DPF3: variants seen among roughly 807,000 people sequenced by gnomAD.
The protein encoded by DPF3 is zinc finger protein DPF3.
DPF3 carries 18 observed loss-of-function variants against 56.8 expected under a neutral mutation model. The observed-to-expected ratio is 0.32, with a 90% CI of 0.22 to 0.47. The LOEUF (loss-of-function observed/expected upper bound fraction) is 0.47, where lower values mean the gene tolerates loss of function less well. Among genes scored for constraint, DPF3 ranks in the 20% least tolerant of loss-of-function variants. The pLI is 1.00. For missense variants in DPF3, 403 were observed against 488.8 expected, an observed-to-expected ratio of 0.82 and a Z score of 1.65; for synonymous variants, 188 against 180.2, an observed-to-expected ratio of 1.04 and a Z score of -0.35.
At chr14:72,713,592 C>T (rs114873088) in intron 6 of DPF3, among the ~76,000 whole-genome samples, 1,569 of 152,288 alleles carry the variant, frequency 0.01, 13 homozygotes, top group Non-Finnish European at 0.014. Context: ...GAGGAGAAGA[C>T]GGCAAGTGAA....
chr14:72,628,305 T>G (rs184855771), intron 9 of DPF3, among the ~76,000 whole-genome samples: 1 of 152,236 alleles, frequency 6.6e-6, no homozygotes, highest in Admixed American at 6.5e-5. Context: ...CTATTTTTAA[T>G]GTTTTTATCA....
At chr14:72,850,686 G>A (rs553491797) in intron 1 of DPF3, among the ~76,000 whole-genome samples, 2 of 152,300 alleles carry the variant, frequency 1.3e-5, no homozygotes, top group Admixed American at 6.5e-5. Flanking sequence ...GTCACCCCAA[G>A]ATTAACTCTT....
chr14:72,892,429 G>T, intron 1 of DPF3: 3 of 1,464,122 alleles, frequency 2.0e-6, no homozygotes, highest in Non-Finnish European at 2.7e-6. Context: ...GCTCCTATCT[G>T]ATCAGCCTCA....
chr14:72,709,783 G>T (rs779535471), intron 6 of DPF3, among the ~76,000 whole-genome samples: 2 of 152,018 alleles, frequency 1.3e-5, no homozygotes, highest in Admixed American at 6.6e-5. Context: ...GGTAAAGTGA[G>T]GTCAACTGTC....
At chr14:72,641,991 C>G (rs1885578158) in intron 8 of DPF3, among the ~76,000 whole-genome samples, 1 of 152,212 alleles carries the variant, frequency 6.6e-6, no homozygotes, top group Non-Finnish European at 1.5e-5. Context: ...GCCCACATGG[C>G]AAGGAGCTGA....
In DPF3 at chr14:72,654,995, C is replaced by T. The variant is rs143053107; in HGVS notation, c.871+19245G>A. Among the ~76,000 whole-genome samples the T allele has an allele frequency of 3.7e-3, 563 of 152,214 alleles. 2 individuals are homozygous for T. Among genetic ancestry groups the T allele is most frequent in the African/African-American group, 0.013 (550 of 41,530 alleles). On this transcript the variant is annotated intron_variant, in intron 8 of 10. Coordinates refer to ENST00000556509, the MANE Select transcript of DPF3 (RefSeq NM_001280542.3). ...AAGAAGTTTTCAGGATTACAAACTG[C>T]CAGTCTCTCTGTACTCATCACTCAG...
At chr14:72,763,034 G>A (rs1222242114) in intron 2 of DPF3, among the ~76,000 whole-genome samples, 1 of 151,754 alleles carries the variant, frequency 6.6e-6, no homozygotes, top group Non-Finnish European at 1.5e-5. Context: ...AGTGCTTAGA[G>A]ACAAATCTGA....
chr14:72,717,571 C>T (rs550219276), intron 5 of DPF3, among the ~76,000 whole-genome samples: 11 of 152,192 alleles, frequency 7.2e-5, no homozygotes, highest in Non-Finnish European at 1.6e-4. Context: ...ATTCGAAGGT[C>T]CTTGAGGGCA....
Position 72,873,363 on chromosome 14 carries a change from C to T in DPF3, c.32+20694G>A, listed in dbSNP as rs1885978431. On this transcript the variant is annotated intron_variant, in intron 1 of 10. Transcript: ENST00000556509. Reference sequence around the variant, plus strand: ...GCCATCAGAGAAATGCAAATCAAAACCACAATGAGATACCATCTCACACCA... The same window carrying T: ...GCCATCAGAGAAATGCAAATCAAAATCACAATGAGATACCATCTCACACCA... Among the ~76,000 whole-genome samples the T allele has an allele frequency of 3.3e-5, 5 of 152,278 alleles. No individual in the cohort carries two copies. In the South Asian group the frequency reaches 1.0e-3, roughly 32 times the overall value.
At chr14:72,638,068 G>T (rs1207467002) in intron 8 of DPF3, among the ~76,000 whole-genome samples, 4 of 152,216 alleles carry the variant, frequency 2.6e-5, no homozygotes, top group Non-Finnish European at 5.9e-5. Context: ...CCATCGATGA[G>T]GAATATTAGA....
chr14:72,641,865 A>G (rs141559078), intron 8 of DPF3, among the ~76,000 whole-genome samples: 1 of 152,348 alleles, frequency 6.6e-6, no homozygotes, highest in East Asian at 1.9e-4. Flanking sequence ...ACTAAGTTAT[A>G]AAAGGCACTG....
chr14:72,810,015 TG>T (rs1374369300), intron 1 of DPF3, among the ~76,000 whole-genome samples: 3 of 152,220 alleles, frequency 2.0e-5, no homozygotes, highest in African/African-American at 7.2e-5. Context: ...CACTTAGCAC[TG>T]TGCCTGTACA....
intron 8 of DPF3, among the ~76,000 whole-genome samples, chr14:72,654,782 C>T (rs1886017413): frequency 6.6e-6 from 1 of 152,112 alleles, no homozygotes; most frequent in South Asian, 2.1e-4. Flanking sequence ...TCTTGCAGAA[C>T]CTAGCACATT....
chr14:72,621,100 C>G (rs912861217), intron 9 of DPF3, among the ~76,000 whole-genome samples: 2 of 150,836 alleles, frequency 1.3e-5, no homozygotes, highest in Non-Finnish European at 2.9e-5. Context: ...AAGATCGCAC[C>G]ACTGCACTCC....
chr14:72,693,317 G>A (rs1162962740), intron 6 of DPF3, 104 bp from the exon 7 acceptor site: 2 of 1,345,134 alleles, frequency 1.5e-6, no homozygotes, highest in Non-Finnish European at 2.0e-6. Context: ...CCACCCCAGA[G>A]CCAGGCTTCC....
intron 1 of DPF3, among the ~76,000 whole-genome samples, chr14:72,788,627 C>A (rs561243087): frequency 1.5e-3 from 221 of 152,276 alleles, no homozygotes; most frequent in African/African-American, 5.2e-3. Flanking sequence ...TCAATTCCAT[C>A]CACACTGCCC....
chr14:72,867,759 G>C (rs1202985985), intron 1 of DPF3, among the ~76,000 whole-genome samples: 2 of 151,894 alleles, frequency 1.3e-5, no homozygotes, highest in Non-Finnish European at 2.9e-5. Context: ...TTGTTTTATT[G>C]GGAGATTCTC....
chr14:72,708,396 C>T (rs183511980), intron 6 of DPF3, among the ~76,000 whole-genome samples: 3 of 152,304 alleles, frequency 2.0e-5, no homozygotes, highest in Admixed American at 1.3e-4. Context: ...AATCAAGTTT[C>T]TGGGGGCACC....
intron 2 of DPF3, among the ~76,000 whole-genome samples, chr14:72,760,451 G>A (rs184365685): frequency 7.2e-5 from 11 of 152,146 alleles, no homozygotes; most frequent in Non-Finnish European, 8.8e-5. Flanking sequence ...CAAGATTATC[G>A]CACCATCTCA....
Sources: gnomAD v4.1 joint callset for allele counts (sites outside exome capture counted in the v4.1 genomes callset) on GRCh38, gnomAD v4.1.1 for gene constraint, MANE v1.5 for transcripts, NCBI Gene and HGNC (gene_info 2026-07-23, HGNC 2026-07-21) for gene names.